The following FAM124A variants were observed in gnomAD, a reference collection of about 807,000 sequenced individuals.
FAM124A encodes the protein protein FAM124A.
A neutral mutation model predicts 24.5 loss-of-function variants in FAM124A; 23 were observed. That is an observed-to-expected ratio of 0.94 (90% confidence interval 0.68 to 1.33). FAM124A has a LOEUF of 1.33. Ranked by LOEUF, FAM124A falls within the 40% of genes most tolerant of loss-of-function variation. The pLI is 0.00. For synonymous variants in FAM124A, 287 were observed against 314.7 expected, an observed-to-expected ratio of 0.91 and a Z score of 0.93; for missense variants, 623 against 722.8, an observed-to-expected ratio of 0.86 and a Z score of 1.58.
intron 3 of FAM124A, among the ~76,000 whole-genome samples, chr13:51,266,009 A>G (rs911466518): frequency 6.6e-6 from 1 of 152,262 alleles, no homozygotes; most frequent in Non-Finnish European, 1.5e-5. Flanking sequence ...GTATACGTAT[A>G]TAGATAATAT....
At chr13:51,254,078 A>G (rs1954652432) in intron 3 of FAM124A, among the ~76,000 whole-genome samples, 2 of 152,200 alleles carry the variant, frequency 1.3e-5, no homozygotes, top group East Asian at 1.9e-4. Flanking sequence ...TTCAGTCTTC[A>G]GCAAAATTAA....
rs2137677783 is a variant in FAM124A at position 51,251,595 on chromosome 13, C to G, written c.228C>G (p.Leu76=). The part of the protein sequence containing the change: ...DNVLAWIHPD[L]PLFRVSERRA... Reference sequence around the variant, plus strand: ...TCCTGGCGTGGATCCACCCCGACCTCCCGCTGTTCCGGGTGTCCGAGAGGC... The same window carrying G: ...TCCTGGCGTGGATCCACCCCGACCTGCCGCTGTTCCGGGTGTCCGAGAGGC... Residue 76 remains leucine (L), a synonymous_variant, in exon 3 of 4, where the codon CTC becomes CTG. Transcript: ENST00000322475. This position sits in a 1 kb window ranked among gnomAD's most constrained non-coding sequence, Gnocchi z 5.3. 1 of 1,568,862 alleles carries G rather than the reference C, an allele frequency of 6.4e-7. No individual in the cohort carries two copies. Among genetic ancestry groups the G allele is most frequent in the East Asian group, 2.3e-5 (1 of 44,340 alleles).
chr13:51,267,981 G>A (rs1003250815), intron 3 of FAM124A, among the ~76,000 whole-genome samples: 2 of 152,202 alleles, frequency 1.3e-5, no homozygotes, highest in Non-Finnish European at 2.9e-5. Context: ...GTAAAGCTTG[G>A]GGAGTGGTCA....
In FAM124A at chr13:51,281,529, G is replaced by T. The variant is rs1479404518; in HGVS notation, c.*273G>T. On this transcript the variant is annotated 3_prime_UTR_variant, in exon 4 of 4. Transcript: ENST00000322475. Reference sequence around the variant, plus strand: ...CAGCATTTGAGGTATGGTTTAGTGGGTTTATACAATTTAAATGGCTTATAT... The same window carrying T: ...CAGCATTTGAGGTATGGTTTAGTGGTTTTATACAATTTAAATGGCTTATAT... 5 of 322,548 alleles carry T rather than the reference G, an allele frequency of 1.6e-5. No individual in the cohort carries two copies. The Middle Eastern group carries it at 3.2e-3, about 209-fold the overall frequency. 20.0% of individuals were successfully genotyped at this position (322,548 alleles called of 1,614,324 possible).
rs939669498 is a variant in FAM124A at position 51,282,704 on chromosome 13, G to C, written c.*1448G>C. ...ACAGCCTCAGAGTCCTTTCCAACACGACCCTCCAGGCAGCAGTTACCAACC... is the reference window on the plus strand; with the variant it reads ...ACAGCCTCAGAGTCCTTTCCAACACCACCCTCCAGGCAGCAGTTACCAACC... On this transcript the variant is annotated 3_prime_UTR_variant, in exon 4 of 4. Coordinates refer to ENST00000322475, the MANE Select transcript of FAM124A (RefSeq NM_001242312.2). 2 of 152,146 alleles carry C rather than the reference G, an allele frequency of 1.3e-5. No homozygotes were observed. Among genetic ancestry groups the C allele is most frequent in the East Asian group, 3.8e-4 (2 of 5,196 alleles). The allele number at this position is 152,146 out of a possible 1,614,324, so 9.4% of individuals were successfully genotyped here.
intron 2 of FAM124A, among the ~76,000 whole-genome samples, chr13:51,241,470 A>C (rs1300680092): frequency 6.6e-6 from 1 of 152,186 alleles, no homozygotes; most frequent in African/African-American, 2.4e-5. Context: ...CCACTGAGGT[A>C]TAAAGGAGAA....
At position 51,272,199 on chromosome 13, in the gene FAM124A, C is replaced by T. The variant is rs370565662; in HGVS notation, c.835-8251C>T. 6.6e-6 allele frequency among the ~76,000 whole-genome samples: 1 copy of T among 152,152 alleles called. No homozygotes were observed. The highest frequency in any genetic ancestry group is 2.4e-5 in the African/African-American group (1 of 41,430). On this transcript the variant is annotated intron_variant, in intron 3 of 3. Transcript: ENST00000322475. The surrounding 1 kb of genome is among the most constrained non-coding windows in gnomAD (Gnocchi z 4.2). ...AGCAAAACCAGAATATCCTTTTCCC[C>T]CTATCTTCTTACAAGGAAGTTGGGG...
intron 2 of FAM124A, among the ~76,000 whole-genome samples, chr13:51,246,411 G>GC (rs1442952636): frequency 2.9e-5 from 4 of 139,256 alleles, no homozygotes; most frequent in Non-Finnish European, 6.4e-5. Context: ...GGGTGGGGGG[G>GC]GGTGTAACTC....
chr13:51,273,360 A>G (rs970549644), intron 3 of FAM124A, among the ~76,000 whole-genome samples: 5 of 152,168 alleles, frequency 3.3e-5, no homozygotes, highest in East Asian at 1.9e-4. Context: ...GAAAATGTCA[A>G]TTGTGCTGAG....
chr13:51,256,179 G>A (rs1310666563), intron 3 of FAM124A, among the ~76,000 whole-genome samples: 1 of 152,228 alleles, frequency 6.6e-6, no homozygotes, highest in East Asian at 1.9e-4. Context: ...ACAACAGACA[G>A]AAGCACAGTC....
intron 3 of FAM124A, among the ~76,000 whole-genome samples, chr13:51,255,643 C>G (rs1048014349): frequency 2.2e-4 from 33 of 152,240 alleles, no homozygotes; most frequent in African/African-American, 7.5e-4. Flanking sequence ...ATCTCACATG[C>G]TCAGTGGTGT....
intron 2 of FAM124A, among the ~76,000 whole-genome samples, chr13:51,240,873 C>T (rs543106902): frequency 5.3e-5 from 8 of 152,338 alleles, no homozygotes; most frequent in African/African-American, 1.9e-4. Flanking sequence ...AGGTTCAATC[C>T]ATGATCCTTT....
At chr13:51,273,776 A>C (rs535855666) in intron 3 of FAM124A, among the ~76,000 whole-genome samples, 87 of 152,312 alleles carry the variant, frequency 5.7e-4, no homozygotes, top group Non-Finnish European at 1.1e-3. Context: ...AGTTATTGTT[A>C]ATTGTTTCTG....
rs531460297 is a variant in FAM124A at position 51,272,035 on chromosome 13, C to G, written c.835-8415C>G. ...TTTATTATGTCAAGTAGTCGGGGCT[C>G]ACTTTTCTCTGAATTAGTGATTGGA... On this transcript the variant is annotated intron_variant, in intron 3 of 3. Transcript: ENST00000322475. The surrounding 1 kb of genome is among the most constrained non-coding windows in gnomAD (Gnocchi z 4.2). 1.3e-5 allele frequency among the ~76,000 whole-genome samples: 2 copies of G among 152,266 alleles called. No homozygotes were observed. Among genetic ancestry groups the G allele is most frequent in the East Asian group, 3.9e-4 (2 of 5,178 alleles).
chr13:51,247,614 T>C (rs1954577005), intron 2 of FAM124A, among the ~76,000 whole-genome samples: 2 of 152,148 alleles, frequency 1.3e-5, no homozygotes, highest in Admixed American at 6.5e-5. Flanking sequence ...CGCATGGTGT[T>C]TTTCCCCCCT....
intron 3 of FAM124A, among the ~76,000 whole-genome samples, chr13:51,259,295 T>C (rs546512209): frequency 2.3e-4 from 35 of 152,134 alleles, no homozygotes; most frequent in Middle Eastern, 6.8e-3. Flanking sequence ...GCAAATCAGA[T>C]CATGTGACTC....
At chr13:51,230,616 G>A (rs1954364942) in intron 1 of FAM124A, among the ~76,000 whole-genome samples, 2 of 152,210 alleles carry the variant, frequency 1.3e-5, no homozygotes, top group Non-Finnish European at 2.9e-5. Context: ...AGCTACAGAA[G>A]TAGGGCAGAA....
intron 3 of FAM124A, among the ~76,000 whole-genome samples, chr13:51,256,570 C>T (rs987862132): frequency 6.6e-6 from 1 of 152,058 alleles, no homozygotes; most frequent in African/African-American, 2.4e-5. Context: ...TTGACTGGGC[C>T]ATCATTGCTG....
In FAM124A at chr13:51,251,698, T is replaced by C; in HGVS notation, c.331T>C (p.Tyr111His). The change falls in exon 3 of 4, where the codon TAC (tyrosine) becomes CAC (histidine). Residue 111 changes from tyrosine (Y) to histidine (H), a missense_variant. Physicochemically the swap from Tyr to His is moderately conservative, Grantham distance 83. Transcript: ENST00000322475. The surrounding 1 kb of genome is among the most constrained non-coding windows in gnomAD (Gnocchi z 5.3). ...TGTGGTGCTGTTCCTGCAGGAGGAGTACGGCGAAGAGCAGATCCTGCAGCT... is the reference window on the plus strand; with the variant it reads ...TGTGGTGCTGTTCCTGCAGGAGGAGCACGGCGAAGAGCAGATCCTGCAGCT... ...LAVVLFLQEE[Y>H]GEEQILQLHR... The C allele has an allele frequency of 6.3e-7, 1 of 1,587,824 alleles. No homozygotes were observed. The highest frequency in any genetic ancestry group is 8.6e-7 in the Non-Finnish European group (1 of 1,168,356).
Sources: allele counts gnomAD v4.1 joint callset (sites outside exome capture counted in the v4.1 genomes callset), GRCh38; gene constraint gnomAD v4.1.1; non-coding constraint Gnocchi (gnomAD v3.1); transcripts MANE v1.5; gene names NCBI Gene and HGNC (gene_info 2026-07-23, HGNC 2026-07-21).